The following SLC23A2 variants were observed in gnomAD, a reference collection of about 807,000 sequenced individuals.
SLC23A2 encodes solute carrier family 23 member 2.
SLC23A2 carries 36 observed loss-of-function variants against 73.3 expected under a neutral mutation model. The ratio of observed to expected loss-of-function variants is 0.49; its 90% CI spans 0.38 to 0.65. The LOEUF is 0.65. Ranked by LOEUF, SLC23A2 falls within the 30% of genes least tolerant of loss-of-function variation. The pLI is 0.00. For missense variants in SLC23A2, 507 were observed against 841.6 expected (o/e 0.60, Z 4.92); for synonymous variants, 343 against 327.3 (o/e 1.05, Z -0.52).
In SLC23A2 at chr20:4,856,772, A is replaced by C; in HGVS notation, c.*200T>G. 1 of 570,250 alleles carries C rather than the reference A, an allele frequency of 1.8e-6. No homozygotes were observed. 35.3% of individuals were successfully genotyped at this position (570,250 alleles called of 1,614,324 possible). On this transcript the variant is annotated 3_prime_UTR_variant, in exon 17 of 17. Coordinates refer to ENST00000338244, the MANE Select transcript of SLC23A2 (RefSeq NM_005116.6). The surrounding 1 kb of genome is among the most constrained non-coding windows in gnomAD (Gnocchi z 4.6). ...GACACTCTCAAAGGGCAAGGAGTTA[A>C]GGGCTTAAATAAGGAGATAGGCGAG...
chr20:4,895,068 G>C (rs1289045178), intron 6 of SLC23A2, among the ~76,000 whole-genome samples: 1 of 152,242 alleles, frequency 6.6e-6, no homozygotes, highest in Non-Finnish European at 1.5e-5. Context: ...GCAAGAGGCA[G>C]TCAAATGCAC....
At chr20:4,988,497 G>A (rs986674983) in intron 1 of SLC23A2, among the ~76,000 whole-genome samples, 1 of 151,874 alleles carries the variant, frequency 6.6e-6, no homozygotes, top group Non-Finnish European at 1.5e-5. Flanking sequence ...CAGCACTTTG[G>A]GGGGTTGAGG....
chr20:4,923,753 G>A (rs979905978), intron 3 of SLC23A2, among the ~76,000 whole-genome samples: 4 of 152,180 alleles, frequency 2.6e-5, no homozygotes, highest in South Asian at 2.1e-4. Context: ...CACCTGGTAC[G>A]AAAGTCACAA....
chr20:4,966,668 T>A (rs930214577), intron 2 of SLC23A2, among the ~76,000 whole-genome samples: 1 of 152,188 alleles, frequency 6.6e-6, no homozygotes. Flanking sequence ...AAATTACATA[T>A]GTGACTTCCA....
rs549992324 is a variant in SLC23A2 at position 4,854,782 on chromosome 20, G to C, written c.*2190C>G. 2 of 152,362 alleles carry C rather than the reference G, an allele frequency of 1.3e-5. No individual in the cohort carries two copies. Among genetic ancestry groups the C allele is most frequent in the Non-Finnish European group, 2.9e-5 (2 of 68,028 alleles). 9.4% of individuals were successfully genotyped at this position (152,362 alleles called of 1,614,324 possible). ...AGTGTTATGCAGCGGAAGACGCCCA[G>C]TCAAGCTGAAGAGAAGGTGCCCCTG... On this transcript the variant is annotated 3_prime_UTR_variant, in exon 17 of 17. Coordinates refer to ENST00000338244, the MANE Select transcript of SLC23A2 (RefSeq NM_005116.6).
intron 1 of SLC23A2, among the ~76,000 whole-genome samples, chr20:4,984,557 G>GA (rs986485230): frequency 4.3e-5 from 6 of 140,892 alleles, no homozygotes; most frequent in Admixed American, 1.4e-4. Context: ...TGTCTCAAAA[G>GA]AAAAAAAAAA....
At chr20:4,988,872 T>C (rs544546987) in intron 1 of SLC23A2, among the ~76,000 whole-genome samples, 2 of 151,618 alleles carry the variant, frequency 1.3e-5, no homozygotes, top group Admixed American at 6.6e-5. Context: ...GATTGCGCCA[T>C]TGCACTCCAG....
chr20:4,963,003 A>G (rs1480099859), intron 2 of SLC23A2, among the ~76,000 whole-genome samples: 2 of 152,180 alleles, frequency 1.3e-5, no homozygotes, highest in African/African-American at 2.4e-5. Context: ...TCTCAAAAAA[A>G]GTTGCCAGAT....
intron 3 of SLC23A2, among the ~76,000 whole-genome samples, chr20:4,924,423 TGGC>T (rs1932603095): frequency 6.6e-6 from 1 of 152,206 alleles, no homozygotes; most frequent in Non-Finnish European, 1.5e-5. Context: ...CAGAGCCTGG[TGGC>T]TTCTCCCACC....
chr20:4,997,222 C>T (rs971949245), intron 1 of SLC23A2, among the ~76,000 whole-genome samples: 1 of 151,976 alleles, frequency 6.6e-6, no homozygotes, highest in Non-Finnish European at 1.5e-5. Flanking sequence ...TAGATCAGTC[C>T]ACCTCCCTTC....
At chr20:4,981,596 T>G (rs1210063332) in intron 1 of SLC23A2, among the ~76,000 whole-genome samples, 1 of 152,192 alleles carries the variant, frequency 6.6e-6, no homozygotes, top group African/African-American at 2.4e-5. Flanking sequence ...GAAGCATATT[T>G]TTCAAACAAC....
At chr20:4,906,559 G>T (rs1454684260) in intron 4 of SLC23A2, among the ~76,000 whole-genome samples, 1 of 152,186 alleles carries the variant, frequency 6.6e-6, no homozygotes, top group East Asian at 1.9e-4. Context: ...GGCAGAGGCT[G>T]CAGTGAGCCA....
chr20:4,992,505 T>A (rs1302148041), intron 1 of SLC23A2, among the ~76,000 whole-genome samples: 1 of 658 alleles, frequency 1.5e-3, no homozygotes, highest in Admixed American at 0.024. Context: ...GATTGACAGT[T>A]TTTTTTTTTT....
intron 6 of SLC23A2, among the ~76,000 whole-genome samples, chr20:4,898,165 T>G (rs1931617267): frequency 6.6e-6 from 1 of 152,180 alleles, no homozygotes; most frequent in African/African-American, 2.4e-5. Flanking sequence ...CCCTGCCCCC[T>G]GGGGGGTTTG....
intron 2 of SLC23A2, among the ~76,000 whole-genome samples, chr20:4,957,182 T>C (rs2122166012): frequency 6.6e-6 from 1 of 152,196 alleles, no homozygotes; most frequent in East Asian, 1.9e-4. Flanking sequence ...AAGCCAAGCA[T>C]AGTGGCTTAT....
chr20:5,009,798 T>TATATAA (rs2088229271), intron 1 of SLC23A2, among the ~76,000 whole-genome samples: 2 of 152,060 alleles, frequency 1.3e-5, no homozygotes, highest in Non-Finnish European at 2.9e-5. Context: ...TATAGAGGGA[T>TATATAA]ATATAAAAGG....
intron 1 of SLC23A2, among the ~76,000 whole-genome samples, chr20:4,971,881 A>T (rs976327470): frequency 2.0e-5 from 3 of 152,042 alleles, no homozygotes; most frequent in African/African-American, 7.2e-5. Flanking sequence ...TCTTTGATTT[A>T]AAAAAAATAA....
chr20:4,911,160 T>C (rs1170253987), intron 4 of SLC23A2, among the ~76,000 whole-genome samples: 1 of 152,188 alleles, frequency 6.6e-6, no homozygotes, highest in African/African-American at 2.4e-5. Flanking sequence ...GGCCCGGCAG[T>C]GTGGGATGTG....
intron 1 of SLC23A2, among the ~76,000 whole-genome samples, chr20:4,983,820 G>A (rs1050211653): frequency 6.6e-6 from 1 of 151,682 alleles, no homozygotes; most frequent in African/African-American, 2.4e-5. Flanking sequence ...GCCAGGCGTG[G>A]TGGTGCATGC....
Sources: allele counts gnomAD v4.1 joint callset (sites outside exome capture counted in the v4.1 genomes callset), GRCh38; gene constraint gnomAD v4.1.1; non-coding constraint Gnocchi (gnomAD v3.1); transcripts MANE v1.5; gene names NCBI Gene and HGNC (gene_info 2026-07-23, HGNC 2026-07-21).